The following CCDC73 variants were observed in gnomAD, a reference collection of about 807,000 sequenced individuals.
CCDC73 encodes the protein coiled-coil domain-containing protein 73.
CCDC73 carries 95 observed loss-of-function variants against 116.5 expected under a neutral mutation model. The ratio of observed to expected loss-of-function variants is 0.82; its 90% CI spans 0.69 to 0.97. The LOEUF (loss-of-function observed/expected upper bound fraction) is 0.97. Among genes scored for constraint, CCDC73 ranks in the 50% least tolerant of loss-of-function variants. The pLI, the probability that CCDC73 is intolerant of heterozygous loss-of-function variation, is 0.00. For missense variants in CCDC73, 1,066 were observed against 1,206.8 expected (o/e 0.88, Z 1.73); for synonymous variants, 398 against 401.3 (o/e 0.99, Z 0.10).
intron 12 of CCDC73, 44 bp downstream of exon 12, chr11:32,653,079 A>G (rs1855840163): frequency 8.5e-7 from 1 of 1,172,064 alleles, no homozygotes; most frequent in South Asian, 1.3e-5. Context: ...AAAATATACT[A>G]AAACACAGAT....
chr11:32,777,098 T>C (rs986319365), intron 1 of CCDC73, among the ~76,000 whole-genome samples: 10 of 139,260 alleles, frequency 7.2e-5, no homozygotes, highest in African/African-American at 2.6e-4. Flanking sequence ...TTTTTTTCTT[T>C]CTTTTTTTTT....
At chr11:32,783,149 T>C (rs934745191) in intron 1 of CCDC73, among the ~76,000 whole-genome samples, 1 of 151,746 alleles carries the variant, frequency 6.6e-6, no homozygotes, top group Non-Finnish European at 1.5e-5. Context: ...AAAGATCCTA[T>C]ATGCTTCCAG....
chr11:32,698,011 A>ATTTT lies in CCDC73; in HGVS notation c.390+1236_390+1239dup, dbSNP rs869153507. Among the ~76,000 whole-genome samples, 64 of 18,878 alleles carry ATTTT rather than the reference A, an allele frequency of 3.4e-3. 2 individuals are homozygous for ATTTT. Among genetic ancestry groups the ATTTT allele is most frequent in the African/African-American group, 9.6e-3 (52 of 5,390 alleles). 12.4% of individuals were successfully genotyped at this position (18,878 alleles called of 152,430 possible). On this transcript the variant is annotated intron_variant, in intron 6 of 17. Transcript: ENST00000335185. ...CTGTTGTTTCTTTGTCTAACACTGA[A>ATTTT]TTTTTTTTTTTTTTTTTTTTTTTTT... is the stretch of plus-strand genomic sequence containing the variant.
At chr11:32,696,934 A>G (rs1406039135) in intron 6 of CCDC73, among the ~76,000 whole-genome samples, 3 of 151,618 alleles carry the variant, frequency 2.0e-5, no homozygotes, top group Admixed American at 1.3e-4. Flanking sequence ...GGCTCAAGCA[A>G]TTCTTCCACC....
At chr11:32,681,879 TCTAA>T (rs997661423) in intron 7 of CCDC73, 1 of 151,844 alleles carries the variant, frequency 6.6e-6, no homozygotes, top group African/African-American at 2.4e-5. Flanking sequence ...AAGGGGTACT[TCTAA>T]CTTTTAAATC....
In CCDC73 at chr11:32,753,852, T is replaced by A. The variant is rs530541192; in HGVS notation, c.135+6257A>T. ...TTTTCAAACTTCTGGCTTCAAGTGA[T>A]CCTCCCACCTCGGCCTACCAAAGTG... On this transcript the variant is annotated intron_variant, in intron 2 of 17. Transcript: ENST00000335185. Among the ~76,000 whole-genome samples, 4 of 152,260 alleles carry A rather than the reference T, an allele frequency of 2.6e-5. No homozygotes were observed. The East Asian group carries it at 7.7e-4, about 29-fold the overall frequency.
intron 11 of CCDC73, 30 bp downstream of exon 11, chr11:32,653,948 C>A (rs1172497789): frequency 1.3e-6 from 2 of 1,581,308 alleles, no homozygotes; most frequent in African/African-American, 2.7e-5. Flanking sequence ...AGAATATTTA[C>A]TGGCTTCCAA....
chr11:32,615,858 G>A (rs1163870657), intron 15 of CCDC73, 82 bp downstream of exon 15: 3 of 1,214,928 alleles, frequency 2.5e-6, no homozygotes, highest in South Asian at 1.4e-5. Context: ...GAAGAGGGGA[G>A]GCAGAATGTA....
chr11:32,762,687 G>A (rs554385588), intron 1 of CCDC73, among the ~76,000 whole-genome samples: 9 of 152,244 alleles, frequency 5.9e-5, no homozygotes, highest in East Asian at 5.8e-4. Context: ...CAGCATGAGC[G>A]ACGCAGAAAA....
Position 32,653,228 on chromosome 11 carries a change from C to T in CCDC73, c.835-1G>A. On this transcript the variant is annotated splice_acceptor_variant, in intron 11 of 17. Transcript: ENST00000335185. LOFTEE classifies it high-confidence loss of function. ...TATGTTGGAAAGAAATGATGATATC[C>T]TTTGAAAATACACAAATATATCAAT... is the stretch of plus-strand genomic sequence containing the variant. 1.3e-6 allele frequency: 2 copies of T among 1,582,916 alleles called. No homozygotes were observed. Among genetic ancestry groups the T allele is most frequent in the Non-Finnish European group, 1.7e-6 (2 of 1,154,826 alleles).
intron 4 of CCDC73, 92 bp downstream of exon 4, chr11:32,702,781 G>T: frequency 5.8e-6 from 5 of 863,360 alleles, no homozygotes; most frequent in Admixed American, 3.7e-5. Context: ...TGTCTTTGGT[G>T]ACTATGGAGA....
Position 32,615,986 on chromosome 11 carries a change from T to G in CCDC73, c.1329A>C (p.Lys443Asn). ...NFCSDTEYRE[K>N]EEKKEGSFIE... is the part of the protein sequence containing the mutation. ...TAAATGAGCCTTCTTTTTTTTCTTCTTTTTCTCTGTATTCAGTATCTGAAC... is the reference window on the plus strand; with the variant it reads ...TAAATGAGCCTTCTTTTTTTTCTTCGTTTTCTCTGTATTCAGTATCTGAAC... Residue 443 changes from lysine to asparagine, a missense_variant, in exon 15 of 18, where the codon AAA (lysine) becomes AAC (asparagine). Physicochemically the swap from Lys to Asn is moderately conservative, Grantham distance 94. Coordinates refer to ENST00000335185, the MANE Select transcript of CCDC73 (RefSeq NM_001008391.4). 6.3e-7 allele frequency: 1 copy of G among 1,593,022 alleles called. No individual in the cohort carries two copies. The highest frequency in any genetic ancestry group is 8.6e-7 in the Non-Finnish European group (1 of 1,167,416).
chr11:32,786,296 T>C (rs1412929768), intron 1 of CCDC73, among the ~76,000 whole-genome samples: 1 of 149,428 alleles, frequency 6.7e-6, no homozygotes, highest in South Asian at 2.1e-4. Flanking sequence ...AAGTAGTTCA[T>C]TTATTTATAG....
chr11:32,717,995 C>T (rs1849959985), intron 3 of CCDC73, 81 bp downstream of exon 3: 14 of 927,932 alleles, frequency 1.5e-5, no homozygotes, highest in South Asian at 1.4e-4. Context: ...CCTTGTCTCT[C>T]CCTTGACACG....
chr11:32,660,417 T>C (rs1377724654), intron 9 of CCDC73, among the ~76,000 whole-genome samples: 2 of 152,006 alleles, frequency 1.3e-5, no homozygotes, highest in Non-Finnish European at 2.9e-5. Context: ...CTTTATTTGC[T>C]TCAATATTGA....
At chr11:32,644,375 C>A (rs1383200007) in intron 12 of CCDC73, among the ~76,000 whole-genome samples, 1 of 152,152 alleles carries the variant, frequency 6.6e-6, no homozygotes, top group Non-Finnish European at 1.5e-5. Context: ...AGGTACTATA[C>A]TTATTACCTG....
At chr11:32,691,943 G>A in intron 6 of CCDC73, among the ~76,000 whole-genome samples, 1 of 151,410 alleles carries the variant, frequency 6.6e-6, no homozygotes, top group East Asian at 1.9e-4. Flanking sequence ...AGCTACTTGG[G>A]AGGCTGAGGC....
intron 4 of CCDC73, among the ~76,000 whole-genome samples, chr11:32,701,377 T>C (rs1242757285): frequency 6.6e-6 from 1 of 152,078 alleles, no homozygotes; most frequent in Non-Finnish European, 1.5e-5. Context: ...ATGTGCAGCC[T>C]AACAAATTAT....
chr11:32,649,442 G>A (rs944181828), intron 12 of CCDC73, among the ~76,000 whole-genome samples: 4 of 152,102 alleles, frequency 2.6e-5, no homozygotes, highest in Non-Finnish European at 5.9e-5. Context: ...AGCTTTCTAT[G>A]CTCTAAATTT....
Sources: gnomAD v4.1 joint callset for allele counts (sites outside exome capture counted in the v4.1 genomes callset) on GRCh38, gnomAD v4.1.1 for gene constraint, MANE v1.5 for transcripts, NCBI Gene and HGNC (gene_info 2026-07-23, HGNC 2026-07-21) for gene names.